MYO16: variants seen among roughly 807,000 people sequenced by gnomAD.
MYO16 encodes the protein unconventional myosin-XVI.
A neutral mutation model predicts 205.3 loss-of-function variants in MYO16; 94 were observed. That is an observed-to-expected ratio of 0.46 (90% CI 0.39 to 0.54). The LOEUF is 0.54. Ranked by LOEUF, MYO16 falls within the 20% of genes least tolerant of loss-of-function variation. MYO16 has a pLI of 0.00. For missense variants in MYO16, 2,315 were observed against 2,387.5 expected (o/e 0.97, Z 0.63); for synonymous variants, 988 against 954.0 (o/e 1.04, Z -0.66).
intron 4 of MYO16, among the ~76,000 whole-genome samples, chr13:108,748,729 A>G (rs1885138901): frequency 6.6e-6 from 1 of 152,154 alleles, no homozygotes; most frequent in African/African-American, 2.4e-5. Context: ...AAAGAGAAAA[A>G]GTAGATTTTT....
chr13:108,942,163 T>C (rs1367756225), intron 16 of MYO16, among the ~76,000 whole-genome samples: 2 of 152,250 alleles, frequency 1.3e-5, no homozygotes, highest in Non-Finnish European at 2.9e-5. Context: ...TTAACTCTTC[T>C]GTGATTAAAG....
chr13:108,867,852 TC>T (rs1368600915), intron 12 of MYO16, among the ~76,000 whole-genome samples: 1 of 152,116 alleles, frequency 6.6e-6, no homozygotes, highest in Admixed American at 6.6e-5. Context: ...ACAGTACAAT[TC>T]CAACTACTCT....
chr13:109,018,243 G>A (rs1229346322), intron 22 of MYO16, among the ~76,000 whole-genome samples: 1 of 152,202 alleles, frequency 6.6e-6, no homozygotes, highest in Non-Finnish European at 1.5e-5. Flanking sequence ...CAGGTCTGTT[G>A]GAGTTTGTTG....
the MYO16 span, among the ~76,000 whole-genome samples, chr13:108,531,616 T>C: frequency 1.1e-5 from 1 of 87,020 alleles, no homozygotes; most frequent in African/African-American, 4.8e-5. Context: ...GCCTAGAACA[T>C]GCTTTCTAAT....
At chr13:108,874,385 TATA>T (rs1879222076) in intron 12 of MYO16, among the ~76,000 whole-genome samples, 2 of 152,152 alleles carry the variant, frequency 1.3e-5, no homozygotes, top group African/African-American at 2.4e-5. Context: ...TTAAAAAAAT[TATA>T]ATATTTGAAA....
chr13:108,532,614 G>A, the MYO16 span, among the ~76,000 whole-genome samples: 1 of 150,986 alleles, frequency 6.6e-6, no homozygotes, highest in Non-Finnish European at 1.5e-5. Context: ...GCAACATAGT[G>A]AGACCCCCAT....
rs1879368498 is a variant in MYO16, at chr13:109,179,587, C to T, written c.5369C>T (p.Thr1790Ile). The T allele has an allele frequency of 6.2e-7, 1 of 1,613,926 alleles. No homozygotes were observed. The highest frequency in any genetic ancestry group is 1.3e-5 in the African/African-American group (1 of 74,922). ...TACTCACGGTTGTCTATAAGTGGCA[C>T]AGGGACTTCGACATTTCAAAGACAC... Reference protein sequence around the residue: ...DGYSRLSISGTGTSTFQRHRD... With the variant: ...DGYSRLSISGIGTSTFQRHRD... Residue 1790 changes from threonine (T) to isoleucine (I), a missense_variant, in exon 34 of 35, where the codon ACA (threonine) becomes ATA (isoleucine). Physicochemically the swap from Thr to Ile is moderately conservative, Grantham distance 89. Coordinates refer to ENST00000457511, the MANE Select transcript of MYO16 (RefSeq NM_001198950.3).
intron 16 of MYO16, among the ~76,000 whole-genome samples, chr13:108,951,557 A>G (rs1883150485): frequency 6.6e-6 from 1 of 152,174 alleles, no homozygotes. Flanking sequence ...TATGACTTTT[A>G]TGTGATTTGA....
chr13:109,132,503 T>C (rs1313853348), intron 31 of MYO16, among the ~76,000 whole-genome samples: 1 of 152,180 alleles, frequency 6.6e-6, no homozygotes. Flanking sequence ...TAGTAAGCAC[T>C]CATCAAATAC....
chr13:108,628,987 TA>T (rs145288488), upstream of MYO16, among the ~76,000 whole-genome samples: 26,073 of 152,202 alleles, frequency 0.17, 2,769 homozygotes, highest in Non-Finnish European at 0.24. Flanking sequence ...TATTCACTTT[TA>T]TAACAATAAA....
chr13:108,715,156 T>C lies in MYO16; in HGVS notation c.363+2425T>C, dbSNP rs112508776. 2.4e-3 allele frequency among the ~76,000 whole-genome samples: 362 copies of C among 152,340 alleles called. 4 individuals are homozygous for C. The highest frequency in any genetic ancestry group is 8.2e-3 in the African/African-American group (341 of 41,572). ...CAGTCACTTTCCCTCTGCGCTCTGC[T>C]CTGCTGACACCGGCCACCTTGCTGC... is the stretch of plus-strand genomic sequence containing the variant. On this transcript the variant is annotated intron_variant, in intron 3 of 34. Coordinates refer to ENST00000457511, the MANE Select transcript of MYO16 (RefSeq NM_001198950.3).
intron 2 of MYO16, among the ~76,000 whole-genome samples, chr13:108,687,885 A>G (rs1285034558): frequency 1.3e-5 from 2 of 152,202 alleles, no homozygotes; most frequent in Non-Finnish European, 2.9e-5. Context: ...GCATCTAGCT[A>G]TAGAAAGGAG....
intron 27 of MYO16, among the ~76,000 whole-genome samples, chr13:109,070,732 G>T (rs1352789100): frequency 6.6e-6 from 1 of 152,090 alleles, no homozygotes; most frequent in Admixed American, 6.5e-5. Flanking sequence ...TCTTTTAAAG[G>T]TTACCTTTCA....
In MYO16 at chr13:109,205,451, T is replaced by C. The variant is rs376025276; in HGVS notation, c.5416-1158T>C. ...GTGTTCTGTTTTGTTTTATTTTCTC[T>C]CATTTTAATGGAGAGGGTTGTGATG... On this transcript the variant is annotated intron_variant, in intron 34 of 34. Transcript: ENST00000457511. Among the ~76,000 whole-genome samples, 3 of 152,324 alleles carry C rather than the reference T, an allele frequency of 2.0e-5. No homozygotes were observed. The East Asian group carries it at 5.8e-4, about 29-fold the overall frequency.
chr13:108,849,977 G>T (rs1594342632), intron 10 of MYO16, among the ~76,000 whole-genome samples: 1 of 135,754 alleles, frequency 7.4e-6, no homozygotes, highest in African/African-American at 2.8e-5. Context: ...TTTTGTGTGT[G>T]TAACTTATCC....
the MYO16 span, among the ~76,000 whole-genome samples, chr13:108,539,139 A>T: frequency 1.2e-4 from 18 of 152,108 alleles, no homozygotes; most frequent in Non-Finnish European, 2.4e-4. Flanking sequence ...CCAGTGTTTC[A>T]TGTCCTGTAC....
At chr13:108,907,001 G>A (rs773700930) in intron 15 of MYO16, among the ~76,000 whole-genome samples, 5 of 152,120 alleles carry the variant, frequency 3.3e-5, no homozygotes, top group South Asian at 2.1e-4. Context: ...ATCCGAATTC[G>A]TTGATAGTAT....
chr13:109,138,126 C>T (rs1318408639), intron 31 of MYO16, among the ~76,000 whole-genome samples: 1 of 152,234 alleles, frequency 6.6e-6, no homozygotes, highest in Non-Finnish European at 1.5e-5. Context: ...GAGCCCAGAT[C>T]CCTCTGATTC....
rs199649142 is a variant in MYO16, at chr13:108,860,965, T to C, written c.1360-5212T>C. Among the ~76,000 whole-genome samples the C allele has an allele frequency of 3.3e-5, 5 of 152,366 alleles. No homozygotes were observed. In the East Asian group the frequency reaches 9.6e-4, roughly 29 times the overall value. ...CTGGAATTTAACAGGAGTTTTCAGA[T>C]ACTACATTAGTAAGGTCCTTGCAGA... On this transcript the variant is annotated intron_variant, in intron 11 of 34. Transcript: ENST00000457511.
Sources: allele counts gnomAD v4.1 joint callset (sites outside exome capture counted in the v4.1 genomes callset), GRCh38; gene constraint gnomAD v4.1.1; transcripts MANE v1.5; gene names NCBI Gene and HGNC (gene_info 2026-07-23, HGNC 2026-07-21).